Variants in CNTFR observed in about 807,000 individuals in gnomAD.
CNTFR encodes the protein ciliary neurotrophic factor receptor subunit alpha.
In CNTFR, 12 loss-of-function variants were observed where a neutral mutation model predicts 40.4. That is an observed-to-expected ratio of 0.30 (90% confidence interval 0.19 to 0.48). The LOEUF is 0.48. Among genes scored for constraint, CNTFR ranks in the 20% least tolerant of loss-of-function variants. The pLI, the probability that CNTFR is intolerant of heterozygous loss-of-function variation, is 0.99. For missense variants in CNTFR, 414 were observed against 506.8 expected (o/e 0.82, Z 1.76); for synonymous variants, 202 against 209.6 (o/e 0.96, Z 0.31).
At chr9:34,579,885 C>T (rs1405392239) in intron 2 of CNTFR, among the ~76,000 whole-genome samples, 2 of 152,238 alleles carry the variant, frequency 1.3e-5, no homozygotes, top group African/African-American at 2.4e-5. Flanking sequence ...TGGCCTCCTC[C>T]TCCTTGGCCC....
At chr9:34,574,767 G>A (rs1456660297) in intron 2 of CNTFR, among the ~76,000 whole-genome samples, 1 of 152,256 alleles carries the variant, frequency 6.6e-6, no homozygotes. Flanking sequence ...CCTGGACTCA[G>A]TGCTCAAAAC....
intron 2 of CNTFR, among the ~76,000 whole-genome samples, chr9:34,573,097 G>C (rs1202424349): frequency 6.6e-6 from 1 of 152,198 alleles, no homozygotes; most frequent in African/African-American, 2.4e-5. Flanking sequence ...TAAGAATCTG[G>C]CTTAGGACCC....
chr9:34,577,039 C>A (rs1046054455), intron 2 of CNTFR, among the ~76,000 whole-genome samples: 1 of 152,190 alleles, frequency 6.6e-6, no homozygotes, highest in African/African-American at 2.4e-5. Context: ...AGATGCCCAG[C>A]AGCAGGAGGG....
At chr9:34,586,694 A>G (rs967327589) in intron 1 of CNTFR, among the ~76,000 whole-genome samples, 1 of 152,170 alleles carries the variant, frequency 6.6e-6, no homozygotes, top group Non-Finnish European at 1.5e-5. Flanking sequence ...CTGTACCAAC[A>G]ATCCACTCAG....
In CNTFR at chr9:34,577,392, A is replaced by G. The variant is rs552577552; in HGVS notation, c.-1+3703T>C. Among the ~76,000 whole-genome samples, 8 of 152,326 alleles carry G rather than the reference A, an allele frequency of 5.3e-5. No homozygotes were observed. The South Asian group carries it at 1.4e-3, about 28-fold the overall frequency. ...TGATAGGGACTTCGGGGAAGGGGGC[A>G]GTGGGGACAAAAGAAACCAGGCAGC... On this transcript the variant is annotated intron_variant, in intron 2 of 9. Transcript: ENST00000378980.
At chr9:34,587,713 A>G (rs1391989090) in intron 1 of CNTFR, among the ~76,000 whole-genome samples, 1 of 152,142 alleles carries the variant, frequency 6.6e-6, no homozygotes, top group African/African-American at 2.4e-5. Flanking sequence ...TCGGAGTCCC[A>G]GAATATAAGT....
intron 4 of CNTFR, among the ~76,000 whole-genome samples, chr9:34,560,737 G>T (rs142403485): frequency 2.6e-5 from 4 of 152,274 alleles, no homozygotes; most frequent in Non-Finnish European, 5.9e-5. Context: ...TGCCCCTTGT[G>T]GGGGCTCTTG....
chr9:34,575,986 C>T (rs1445333798), intron 2 of CNTFR, among the ~76,000 whole-genome samples: 3 of 148,424 alleles, frequency 2.0e-5, no homozygotes, highest in East Asian at 2.2e-4. Context: ...TAAACACAGG[C>T]GTGAGTACGT....
rs377120012 is a variant in CNTFR, at chr9:34,566,018, T to C, written c.86-1186A>G. 1.3e-4 allele frequency among the ~76,000 whole-genome samples: 19 copies of C among 151,802 alleles called. 1 individual carries two copies. In the East Asian group the frequency reaches 1.4e-3, roughly 11 times the overall value. On this transcript the variant is annotated intron_variant, in intron 3 of 9. Transcript: ENST00000378980. Reference sequence around the variant, plus strand: ...CCCTCCAGAGAGCCACCCTGCTGAGTTGGGGGATTTTTAGAGGCAATTCCT... The same window carrying C: ...CCCTCCAGAGAGCCACCCTGCTGAGCTGGGGGATTTTTAGAGGCAATTCCT...
At chr9:34,568,335 T>C (rs1187517659) in intron 3 of CNTFR, among the ~76,000 whole-genome samples, 1 of 152,192 alleles carries the variant, frequency 6.6e-6, no homozygotes, top group Non-Finnish European at 1.5e-5. Flanking sequence ...GCAGGGAGGC[T>C]GCCAATGGCC....
At chr9:34,582,276 C>CAAAAAAAAAAAAAAAAAAAAAAAAAAA (rs10601840) in intron 1 of CNTFR, 1 of 126,538 alleles carries the variant, frequency 7.9e-6, no homozygotes, top group African/African-American at 3.1e-5. Context: ...AACCCTATGG[C>CAAAAAAAAAAAAAAAAAAAAAAAAAAA]AAAAAAAAAA....
chr9:34,562,447 A>G (rs1457296692), intron 4 of CNTFR, among the ~76,000 whole-genome samples: 1 of 152,206 alleles, frequency 6.6e-6, no homozygotes, highest in Admixed American at 6.5e-5. Context: ...AGGCCTTCCC[A>G]TGGGGAAAGG....
At position 34,551,662 on chromosome 9, in the gene CNTFR, CCAG is replaced by C. The variant is rs1306023275; in HGVS notation, c.*406_*408del. ...GGGGGAGGGGGATGGCTGGGCCCCCCCAGCATCAGGAGCTTATAATCTGATGGT... is the reference window on the plus strand; with the variant it reads ...GGGGGAGGGGGATGGCTGGGCCCCCCCATCAGGAGCTTATAATCTGATGGT... On this transcript the variant is annotated 3_prime_UTR_variant, in exon 10 of 10. Transcript: ENST00000378980. The C allele has an allele frequency of 1.2e-5, 4 of 342,962 alleles. No homozygotes were observed. Among genetic ancestry groups the C allele is most frequent in the Non-Finnish European group, 2.2e-5 (4 of 182,634 alleles). 21.2% of individuals were successfully genotyped at this position (342,962 alleles called of 1,614,324 possible). A position where few individuals can be genotyped will look rare whatever the true frequency, so the allele number is the denominator to read the frequency against.
intron 4 of CNTFR, among the ~76,000 whole-genome samples, chr9:34,561,259 C>A (rs1826064078): frequency 6.6e-6 from 1 of 152,204 alleles, no homozygotes; most frequent in Non-Finnish European, 1.5e-5. Context: ...TCCAGCCAAA[C>A]AGGGCTGCAG....
chr9:34,584,061 A>C (rs1206392880), intron 1 of CNTFR, among the ~76,000 whole-genome samples: 5 of 152,114 alleles, frequency 3.3e-5, no homozygotes, highest in Non-Finnish European at 7.4e-5. Flanking sequence ...GGTAAGGAGG[A>C]GGGCAGTGGC....
chr9:34,561,717 T>C (rs1826085310), intron 4 of CNTFR, among the ~76,000 whole-genome samples: 1 of 152,248 alleles, frequency 6.6e-6, no homozygotes, highest in Non-Finnish European at 1.5e-5. Flanking sequence ...CAGGGGTAAC[T>C]CTGTCCTGTT....
intron 7 of CNTFR, among the ~76,000 whole-genome samples, chr9:34,554,300 T>C (rs962897402): frequency 6.6e-6 from 1 of 152,124 alleles, no homozygotes; most frequent in Non-Finnish European, 1.5e-5. Flanking sequence ...ACCGCAGATC[T>C]CCACGTCAGT....
rs1354419122 is a variant in CNTFR, at chr9:34,556,375, G to A, written c.648C>T (p.Pro216=). 2 of 1,613,706 alleles carry A rather than the reference G, an allele frequency of 1.2e-6. No individual in the cohort carries two copies. The highest frequency in any genetic ancestry group is 8.5e-7 in the Non-Finnish European group (1 of 1,179,886). Residue 216 remains proline, a synonymous_variant, in exon 7 of 10, where the codon CCC becomes CCT. Transcript: ENST00000378980. ...TCACCTCCAGCCGGCGAGGGTTGCTGGGCACTGGCCGGGCTACCACATTTT... is the reference window on the plus strand; with the variant it reads ...TCACCTCCAGCCGGCGAGGGTTGCTAGGCACTGGCCGGGCTACCACATTTT... ...PPENVVARPV[P]SNPRRLEVTW...
intron 2 of CNTFR, among the ~76,000 whole-genome samples, chr9:34,577,942 G>T (rs1334764195): frequency 6.6e-6 from 1 of 151,184 alleles, no homozygotes; most frequent in Non-Finnish European, 1.5e-5. Context: ...GCGGGCTGGC[G>T]GGCGGGCGAG....
Sources: gnomAD v4.1 joint callset for allele counts (sites outside exome capture counted in the v4.1 genomes callset) on GRCh38, gnomAD v4.1.1 for gene constraint, MANE v1.5 for transcripts, NCBI Gene and HGNC (gene_info 2026-07-23, HGNC 2026-07-21) for gene names.